TMEM132B: variants seen among roughly 807,000 people sequenced by gnomAD.
TMEM132B encodes the protein transmembrane protein 132B.
TMEM132B carries 18 observed loss-of-function variants against 90.8 expected under a neutral mutation model. The ratio of observed to expected loss-of-function variants is 0.20; its 90% CI spans 0.14 to 0.29. TMEM132B has a LOEUF of 0.29. TMEM132B is among the 10% of genes least tolerant of loss of function. The pLI, the probability that TMEM132B is intolerant of heterozygous loss-of-function variation, is 1.00. For synonymous variants in TMEM132B, 504 were observed against 523.3 expected, an observed-to-expected ratio of 0.96 and a Z score of 0.50; for missense variants, 1,096 against 1,326.8, an observed-to-expected ratio of 0.83 and a Z score of 2.70.
intron 5 of TMEM132B, among the ~76,000 whole-genome samples, chr12:125,621,800 G>T (rs1268418082): frequency 6.6e-6 from 1 of 152,062 alleles, no homozygotes; most frequent in East Asian, 1.9e-4. Flanking sequence ...GACCTCGAAG[G>T]GTGACATACT....
At chr12:125,306,449 C>T (rs1875972215) in intron 1 of TMEM132B, among the ~76,000 whole-genome samples, 1 of 152,088 alleles carries the variant, frequency 6.6e-6, no homozygotes, top group Admixed American at 6.6e-5. Context: ...CTCACCTGGC[C>T]CAAAACCATA....
chr12:125,572,162 A>G (rs1884814528), intron 4 of TMEM132B, among the ~76,000 whole-genome samples: 1 of 152,210 alleles, frequency 6.6e-6, no homozygotes, highest in Non-Finnish European at 1.5e-5. Context: ...CAGGACATAC[A>G]ATGCATATTT....
At chr12:125,604,096 G>A (rs188165926) in intron 5 of TMEM132B, among the ~76,000 whole-genome samples, 1 of 152,302 alleles carries the variant, frequency 6.6e-6, no homozygotes, top group Admixed American at 6.5e-5. Context: ...CCATTACTGG[G>A]TATATACCTA....
chr12:125,354,766 A>G (rs1041470069), intron 2 of TMEM132B, among the ~76,000 whole-genome samples: 1 of 152,226 alleles, frequency 6.6e-6, no homozygotes, highest in African/African-American at 2.4e-5. Flanking sequence ...AGTGCCTGGC[A>G]CACCAATTCT....
intron 3 of TMEM132B, among the ~76,000 whole-genome samples, chr12:125,436,051 G>C (rs764808248): frequency 7.9e-5 from 12 of 152,074 alleles, no homozygotes; most frequent in Non-Finnish European, 1.3e-4. Context: ...CTTCTGTTCC[G>C]AGGCAAAGCA....
chr12:125,235,737 T>G (rs1306053403), intron 1 of TMEM132B, among the ~76,000 whole-genome samples: 2 of 152,094 alleles, frequency 1.3e-5, no homozygotes, highest in African/African-American at 4.8e-5. Flanking sequence ...TGTGTCTGGC[T>G]TCTTTCACAT....
intron 1 of TMEM132B, among the ~76,000 whole-genome samples, chr12:125,322,604 C>G (rs561073754): frequency 9.1e-4 from 139 of 152,304 alleles, no homozygotes; most frequent in African/African-American, 3.1e-3. Context: ...GGTTGCACAA[C>G]TTTGTAGCTA....
intron 3 of TMEM132B, among the ~76,000 whole-genome samples, chr12:125,467,767 C>T (rs778350356): frequency 1.3e-5 from 2 of 152,206 alleles, no homozygotes; most frequent in African/African-American, 2.4e-5. Flanking sequence ...TCCCCATTCT[C>T]CTTTCTCATA....
At chr12:125,650,161 T>G (rs1407363841) in intron 6 of TMEM132B, among the ~76,000 whole-genome samples, 1 of 152,090 alleles carries the variant, frequency 6.6e-6, no homozygotes, top group East Asian at 1.9e-4. Context: ...CTGGGGTTCC[T>G]AAAGGGCCAT....
rs1349228883 is a variant in TMEM132B, at chr12:125,612,687, A to G, written c.1437+28693A>G. On this transcript the variant is annotated intron_variant, in intron 5 of 8. Transcript: ENST00000682704. Reference sequence around the variant, plus strand: ...GTTGTCTAGTAACATTAAAAAATCCATCTTATGTTTATGTAGCCACTCTGG... The same window carrying G: ...GTTGTCTAGTAACATTAAAAAATCCGTCTTATGTTTATGTAGCCACTCTGG... 3.5e-5 allele frequency among the ~76,000 whole-genome samples: 5 copies of G among 143,088 alleles called. No homozygotes were observed. The East Asian group carries it at 6.1e-4, about 18-fold the overall frequency. The allele number at this position is 143,088 out of a possible 152,430, so 93.9% of individuals were successfully genotyped here.
chr12:125,354,239 A>G (rs1877689565), intron 2 of TMEM132B, among the ~76,000 whole-genome samples: 1 of 152,250 alleles, frequency 6.6e-6, no homozygotes, highest in Non-Finnish European at 1.5e-5. Context: ...TCTACTCAAC[A>G]GTTTGTAAAA....
intron 4 of TMEM132B, among the ~76,000 whole-genome samples, chr12:125,545,634 C>T (rs1884072087): frequency 6.6e-6 from 1 of 152,310 alleles, no homozygotes; most frequent in Non-Finnish European, 1.5e-5. Context: ...GTGATTAAGA[C>T]GGTTCAACGA....
chr12:125,238,973 C>T lies in TMEM132B; in HGVS notation c.67+52107C>T, dbSNP rs549179898. Among the ~76,000 whole-genome samples the T allele has an allele frequency of 2.0e-5, 3 of 152,246 alleles. No individual in the cohort carries two copies. The East Asian group carries it at 5.8e-4, about 29-fold the overall frequency. On this transcript the variant is annotated intron_variant, in intron 1 of 8. Coordinates refer to ENST00000682704, the MANE Select transcript of TMEM132B (RefSeq NM_001366854.1). ...ATGAAAGATGTCCTCAAAAGATTTACATTCTCTAGAGGGAGACTGAGTTTC... is the reference window on the plus strand; with the variant it reads ...ATGAAAGATGTCCTCAAAAGATTTATATTCTCTAGAGGGAGACTGAGTTTC...
At chr12:125,453,147 C>G (rs1210944921) in intron 3 of TMEM132B, among the ~76,000 whole-genome samples, 4 of 152,056 alleles carry the variant, frequency 2.6e-5, no homozygotes, top group African/African-American at 9.7e-5. Context: ...TTAATTCACT[C>G]ACATTCTGTG....
At chr12:125,567,912 A>G (rs1445539286) in intron 4 of TMEM132B, among the ~76,000 whole-genome samples, 2 of 152,112 alleles carry the variant, frequency 1.3e-5, no homozygotes, top group Non-Finnish European at 2.9e-5. Flanking sequence ...TCAGCGCTGG[A>G]GCTGGGATGT....
At chr12:125,231,746 C>T (rs1873829062) in intron 1 of TMEM132B, among the ~76,000 whole-genome samples, 1 of 151,672 alleles carries the variant, frequency 6.6e-6, no homozygotes, top group South Asian at 2.1e-4. Context: ...ATTGCTTATA[C>T]ATCTTTTTCT....
intron 1 of TMEM132B, among the ~76,000 whole-genome samples, chr12:125,276,439 A>G (rs1293995112): frequency 1.3e-5 from 2 of 152,194 alleles, no homozygotes; most frequent in East Asian, 3.9e-4. Context: ...AGGTGAAAGG[A>G]ACTATCCATC....
At chr12:125,438,222 G>A (rs1880757257) in intron 3 of TMEM132B, among the ~76,000 whole-genome samples, 2 of 152,156 alleles carry the variant, frequency 1.3e-5, no homozygotes, top group Non-Finnish European at 2.9e-5. Context: ...GGGCTGATAT[G>A]TCCATCTGGG....
At chr12:125,631,568 C>G (rs1162692596) in intron 5 of TMEM132B, among the ~76,000 whole-genome samples, 1 of 152,078 alleles carries the variant, frequency 6.6e-6, no homozygotes, top group Admixed American at 6.5e-5. Context: ...AAAGATCTGT[C>G]CAATGTTGAA....
Sources: allele counts gnomAD v4.1 joint callset (sites outside exome capture counted in the v4.1 genomes callset), GRCh38; gene constraint gnomAD v4.1.1; transcripts MANE v1.5; gene names NCBI Gene and HGNC (gene_info 2026-07-23, HGNC 2026-07-21).